The following MTMR3 variants were observed in gnomAD, a reference collection of about 807,000 sequenced individuals.
The protein encoded by MTMR3 is myotubularin related protein 3.
A neutral mutation model predicts 132.4 loss-of-function variants in MTMR3; 32 were observed. The observed-to-expected ratio is 0.24, with a 90% CI of 0.18 to 0.32. The LOEUF (loss-of-function observed/expected upper bound fraction) is 0.32, where lower values mean the gene tolerates loss of function less well. Among genes scored for constraint, MTMR3 ranks in the 10% least tolerant of loss-of-function variants. MTMR3 has a pLI of 1.00. For synonymous variants in MTMR3, 556 were observed against 550.3 expected, an observed-to-expected ratio of 1.01 and a Z score of -0.14; for missense variants, 1,216 against 1,489.6, an observed-to-expected ratio of 0.82 and a Z score of 3.02.
At position 30,025,778 on chromosome 22, in the gene MTMR3, C is replaced by T; in HGVS notation, c.3574C>T (p.Pro1192Ser). The T allele has an allele frequency of 6.2e-7, 1 of 1,614,088 alleles. No individual in the cohort carries two copies. Among genetic ancestry groups the T allele is most frequent in the Non-Finnish European group, 8.5e-7 (1 of 1,180,012 alleles). The change falls in exon 20 of 20, where the codon CCC (proline) becomes TCC (serine). Residue 1192 changes from proline to serine, a missense_variant. By Grantham distance (74) the Pro-to-Ser change is moderately conservative (BLOSUM62 -1). Transcript: ENST00000401950. ...SSSIDLELDK[P>S]IAATSN ...CAGCATTGACCTTGAACTGGATAAG[C>T]CCATTGCTGCCACTTCCAACTGAAG...
At chr22:30,009,403 A>C (rs1248812047) in intron 12 of MTMR3, 1 of 366,344 alleles carries the variant, frequency 2.7e-6, no homozygotes, top group African/African-American at 2.1e-5. Context: ...ATCAAAACAG[A>C]AGCATTACCT....
intron 18 of MTMR3, 77 bp from the exon 19 acceptor site, chr22:30,022,532 T>C: frequency 7.8e-7 from 1 of 1,285,634 alleles, no homozygotes; most frequent in East Asian, 2.3e-5. Context: ...TGACTCTTGC[T>C]GCCCCCAGCA....
rs940099581 is a variant in MTMR3 at position 30,021,293 on chromosome 22, C to T, written c.3225+409C>T. 2.6e-5 allele frequency: 5 copies of T among 193,402 alleles called. No individual in the cohort carries two copies. In the South Asian group the frequency reaches 3.4e-4, roughly 13 times the overall value. The allele number at this position is 193,402 out of a possible 1,614,324, so 12.0% of individuals were successfully genotyped here. On this transcript the variant is annotated intron_variant, in intron 17 of 19. Coordinates refer to ENST00000401950, the MANE Select transcript of MTMR3 (RefSeq NM_021090.4). ...ACTACAAAGTATTAGTCCTTCCAGA[C>T]GTGGGCTATGGCTTTGAAGGTTCAG...
chr22:29,930,068 A>G (rs2065611210), intron 1 of MTMR3, among the ~76,000 whole-genome samples: 1 of 152,124 alleles, frequency 6.6e-6, no homozygotes, highest in African/African-American at 2.4e-5. Flanking sequence ...CTTTCATACT[A>G]TTTGATTTCC....
chr22:29,899,393 T>C (rs947855085), intron 1 of MTMR3, among the ~76,000 whole-genome samples: 2 of 152,212 alleles, frequency 1.3e-5, no homozygotes, highest in Non-Finnish European at 2.9e-5. Context: ...GTATATGTTA[T>C]TGTGAGTAGA....
At chr22:29,935,394 A>G (rs2065728763) in intron 1 of MTMR3, among the ~76,000 whole-genome samples, 1 of 152,334 alleles carries the variant, frequency 6.6e-6, no homozygotes, top group Admixed American at 6.5e-5. Context: ...TTGGGTTTTG[A>G]GACAAGGTCA....
At chr22:30,007,364 A>G (rs2067293686) in intron 10 of MTMR3, 45 bp downstream of exon 10, 2 of 1,577,026 alleles carry the variant, frequency 1.3e-6, no homozygotes, top group Middle Eastern at 1.7e-4. Flanking sequence ...TATAGCATCT[A>G]AGAACCTTTT....
At chr22:29,904,805 G>A (rs2065064599) in intron 1 of MTMR3, among the ~76,000 whole-genome samples, 1 of 122,408 alleles carries the variant, frequency 8.2e-6, no homozygotes, top group Non-Finnish European at 1.8e-5. Context: ...ATGTTCAGAG[G>A]GGTATGTGTG....
rs944786377 is a variant in MTMR3, at chr22:29,928,110, A to G, written c.-137-28926A>G. On this transcript the variant is annotated intron_variant, in intron 1 of 19. Transcript: ENST00000401950. Reference sequence around the variant, plus strand: ...CGCAAACCACCACGCCTGTCTAGCCATCATTTTTAATCCCGTTCTTTTCTC... The same window carrying G: ...CGCAAACCACCACGCCTGTCTAGCCGTCATTTTTAATCCCGTTCTTTTCTC... Among the ~76,000 whole-genome samples the G allele has an allele frequency of 3.1e-4, 47 of 150,480 alleles. 1 individual carries two copies. Among genetic ancestry groups the G allele is most frequent in the Non-Finnish European group, 5.0e-4 (34 of 67,752 alleles).
chr22:29,979,337 A>G lies in MTMR3; in HGVS notation c.210+285A>G, dbSNP rs2066692995. 2.0e-5 allele frequency: 5 copies of G among 246,914 alleles called. No individual in the cohort carries two copies. The South Asian group carries it at 2.2e-4, about 11-fold the overall frequency. 15.3% of individuals were successfully genotyped at this position (246,914 alleles called of 1,614,324 possible). A position where few individuals can be genotyped will look rare whatever the true frequency, so the allele number is the denominator to read the frequency against. On this transcript the variant is annotated intron_variant, in intron 5 of 19. Coordinates refer to ENST00000401950, the MANE Select transcript of MTMR3 (RefSeq NM_021090.4). ...GAAACCCCATTTCTACTAAAAATAC[A>G]AAAAATTAGCCGGGCGTGGTGGCAG...
At chr22:30,006,200 A>G (rs2067270635) in intron 9 of MTMR3, 1 of 152,228 alleles carries the variant, frequency 6.6e-6, no homozygotes, top group Non-Finnish European at 1.5e-5. Context: ...CTGGGTTTTA[A>G]TAGCACCTTA....
At chr22:29,932,240 C>T (rs1394642037) in intron 1 of MTMR3, among the ~76,000 whole-genome samples, 5 of 152,012 alleles carry the variant, frequency 3.3e-5, no homozygotes, top group Non-Finnish European at 1.5e-5. Context: ...ATGTATAGAC[C>T]CATGTAACTA....
chr22:29,951,067 C>T (rs1006685313), intron 1 of MTMR3, among the ~76,000 whole-genome samples: 3 of 151,978 alleles, frequency 2.0e-5, no homozygotes, highest in African/African-American at 7.3e-5. Flanking sequence ...AGGAGAATTG[C>T]TTGAACCCAG....
At chr22:29,938,971 G>A (rs893748552) in intron 1 of MTMR3, among the ~76,000 whole-genome samples, 5 of 151,838 alleles carry the variant, frequency 3.3e-5, no homozygotes, top group Admixed American at 2.6e-4. Context: ...ACAGGCACCC[G>A]CCACCACGCC....
At position 29,979,592 on chromosome 22, in the gene MTMR3, TGTTTA is replaced by T. The variant is rs1306186979; in HGVS notation, c.210+546_210+550del. 2.3e-4 allele frequency: 38 copies of T among 165,322 alleles called. No homozygotes were observed. The South Asian group carries it at 3.7e-3, about 16-fold the overall frequency. 10.2% of individuals were successfully genotyped at this position (165,322 alleles called of 1,614,324 possible). A position where few individuals can be genotyped will look rare whatever the true frequency, so the allele number is the denominator to read the frequency against. On this transcript the variant is annotated intron_variant, in intron 5 of 19. Coordinates refer to ENST00000401950, the MANE Select transcript of MTMR3 (RefSeq NM_021090.4). Reference sequence around the variant, plus strand: ...TGTAGTTGTCAGCTGAGGTGTCCATTGTTTAGTTTAACAGTGAATGATTTGCATTA... The same window carrying T: ...TGTAGTTGTCAGCTGAGGTGTCCATTGTTTAACAGTGAATGATTTGCATTA...
In MTMR3 at chr22:30,020,835, A is replaced by T. The variant is rs200872332; in HGVS notation, c.3176A>T (p.Gln1059Leu). Residue 1059 changes from glutamine (Q) to leucine (L), a missense_variant, in exon 17 of 20, where the codon CAG (glutamine) becomes CTG (leucine). By Grantham distance (113) the Gln-to-Leu change is moderately radical. Around this residue, in one of 7 missense-constraint regions of MTMR3, gnomAD observed 852 missense variants for 852.0 expected, o/e 1.00. Transcript: ENST00000401950. Reference sequence around the variant, plus strand: ...GAGCTGAAGAGTCGCCTGGAGAGCCAGTACCTGACCAGCTCCCTACACTTT... The same window carrying T: ...GAGCTGAAGAGTCGCCTGGAGAGCCTGTACCTGACCAGCTCCCTACACTTT... ...VQELKSRLES[Q>L]YLTSSLHFNG... 16 of 1,608,994 alleles carry T rather than the reference A, an allele frequency of 9.9e-6. No homozygotes were observed. The highest frequency in any genetic ancestry group is 1.3e-5 in the African/African-American group (1 of 74,818).
intron 1 of MTMR3, among the ~76,000 whole-genome samples, chr22:29,920,039 C>A (rs1243570633): frequency 6.6e-6 from 1 of 151,882 alleles, no homozygotes; most frequent in Admixed American, 6.6e-5. Flanking sequence ...CATGGTGAAA[C>A]CCTGTCTTTA....
chr22:29,897,815 G>T (rs757892482), intron 1 of MTMR3, among the ~76,000 whole-genome samples: 1 of 151,986 alleles, frequency 6.6e-6, no homozygotes, highest in Non-Finnish European at 1.5e-5. Context: ...CTCTTAGATC[G>T]TATTTTCGTA....
chr22:30,020,135 T>A lies in MTMR3; in HGVS notation c.2476T>A (p.Cys826Ser), dbSNP rs779064925. The change falls in exon 17 of 20, where the codon TGT (cysteine) becomes AGT (serine). Residue 826 changes from cysteine to serine, a missense_variant. Around this residue, in one of 7 missense-constraint regions of MTMR3, gnomAD observed 852 missense variants for 852.0 expected, o/e 1.00. Transcript: ENST00000401950. ...AKVGYGTSQS[C>S]SLLPSQVPFE... Reference sequence around the variant, plus strand: ...AGTTGGCTATGGTACCTCACAGTCATGTTCTCTGCTACCTTCCCAAGTCCC... The same window carrying A: ...AGTTGGCTATGGTACCTCACAGTCAAGTTCTCTGCTACCTTCCCAAGTCCC... 8.7e-6 allele frequency: 14 copies of A among 1,614,232 alleles called. No individual in the cohort carries two copies. In the South Asian group the frequency reaches 1.5e-4, roughly 18 times the overall value.
Sources: allele counts gnomAD v4.1 joint callset (sites outside exome capture counted in the v4.1 genomes callset), GRCh38; gene constraint gnomAD v4.1.1; regional missense constraint gnomAD v4.1.1; transcripts MANE v1.5; gene names NCBI Gene and HGNC (gene_info 2026-07-23, HGNC 2026-07-21).